The following DOCK8 variants were observed in gnomAD, a reference collection of about 807,000 sequenced individuals.
DOCK8 encodes the protein dedicator of cytokinesis protein 8.
Under a neutral mutation model 245.6 loss-of-function variants are expected in DOCK8, and 141 were observed. The observed-to-expected ratio is 0.57, with a 90% CI of 0.50 to 0.66. DOCK8 has a LOEUF of 0.66. Ranked by LOEUF, DOCK8 falls within the 30% of genes least tolerant of loss-of-function variation. The pLI is 0.00. For synonymous variants in DOCK8, 1,168 were observed against 970.2 expected, an observed-to-expected ratio of 1.20 and a Z score of -3.79; for missense variants, 2,965 against 2,603.4, an observed-to-expected ratio of 1.14 and a Z score of -3.02.
intron 1 of DOCK8, among the ~76,000 whole-genome samples, chr9:238,262 G>A (rs928198487): frequency 2.6e-5 from 4 of 152,164 alleles, no homozygotes; most frequent in African/African-American, 9.7e-5. Context: ...TTCCCAGCGA[G>A]ATGTGGTTCA....
intron 2 of DOCK8, among the ~76,000 whole-genome samples, chr9:272,541 A>G (rs1405070750): frequency 1.3e-5 from 2 of 152,000 alleles, no homozygotes; most frequent in African/African-American, 4.8e-5. Context: ...GCATGCCACC[A>G]CACCTGGCTA....
intron 1 of DOCK8, among the ~76,000 whole-genome samples, chr9:221,599 G>A (rs1485766219): frequency 6.6e-6 from 1 of 151,556 alleles, no homozygotes; most frequent in African/African-American, 2.4e-5. Context: ...ATCACTTGAA[G>A]TCAGAAGTTT....
At chr9:399,602 C>G (rs926680381) in intron 26 of DOCK8, among the ~76,000 whole-genome samples, 6 of 152,002 alleles carry the variant, frequency 3.9e-5, no homozygotes, top group African/African-American at 1.5e-4. Flanking sequence ...CCTTGCGCTC[C>G]CAGTCTGAGG....
At position 258,198 on chromosome 9, in the gene DOCK8, G is replaced by C. The variant is rs569953129; in HGVS notation, c.54-13429G>C. On this transcript the variant is annotated intron_variant, in intron 1 of 47. Coordinates refer to ENST00000432829, the MANE Select transcript of DOCK8 (RefSeq NM_203447.4). The stretch of plus-strand genomic sequence containing the variant: ...CATGTGTATTTCACAACTGCAATCA[G>C]CTTGAATAGCAGAGGCTGGAAGGCT... Among the ~76,000 whole-genome samples the C allele has an allele frequency of 2.6e-5, 4 of 152,318 alleles. No homozygotes were observed. The South Asian group carries it at 6.2e-4, about 24-fold the overall frequency.
At chr9:456,510 A>G (rs1052381812) in intron 46 of DOCK8, 1 of 152,204 alleles carries the variant, frequency 6.6e-6, no homozygotes, top group African/African-American at 2.4e-5. Context: ...AATAGCGGAA[A>G]CATTTGCTTG....
chr9:455,898 T>C (rs753816053), intron 46 of DOCK8, among the ~76,000 whole-genome samples: 6 of 152,050 alleles, frequency 3.9e-5, no homozygotes, highest in Non-Finnish European at 8.8e-5. Flanking sequence ...GAACCAACTA[T>C]AGACGTCAGT....
rs565352669 is a variant in DOCK8, at chr9:258,721, C to T, written c.54-12906C>T. 2.6e-5 allele frequency among the ~76,000 whole-genome samples: 4 copies of T among 151,320 alleles called. No individual in the cohort carries two copies. The East Asian group carries it at 5.9e-4, about 22-fold the overall frequency. The stretch of plus-strand genomic sequence containing the variant: ...CAAGCAATTCTCCTGCCTCAGCCTC[C>T]CGAGTATCTGGGATTACAGACATGT... On this transcript the variant is annotated intron_variant, in intron 1 of 47. Coordinates refer to ENST00000432829, the MANE Select transcript of DOCK8 (RefSeq NM_203447.4).
chr9:269,552 CTTTTTTT>C (rs57326015), intron 1 of DOCK8, among the ~76,000 whole-genome samples: 10 of 105,000 alleles, frequency 9.5e-5, no homozygotes, highest in Admixed American at 2.9e-4. Flanking sequence ...GTGTGGTTGT[CTTTTTTT>C]TTTTTTTTTT....
At chr9:238,793 T>C (rs932468966) in intron 1 of DOCK8, among the ~76,000 whole-genome samples, 1 of 152,212 alleles carries the variant, frequency 6.6e-6, no homozygotes, top group African/African-American at 2.4e-5. Context: ...AGCTATACTT[T>C]CATATAAGAA....
intron 4 of DOCK8, among the ~76,000 whole-genome samples, chr9:303,830 G>A (rs1217554468): frequency 6.6e-6 from 1 of 152,130 alleles, no homozygotes; most frequent in Non-Finnish European, 1.5e-5. Flanking sequence ...AAGATATCCC[G>A]TATCCTCAAT....
chr9:307,626 G>A (rs949259960), intron 5 of DOCK8, among the ~76,000 whole-genome samples: 1 of 151,950 alleles, frequency 6.6e-6, no homozygotes, highest in African/African-American at 2.4e-5. Context: ...CCAAAGTGCT[G>A]GGATTACAGG....
At chr9:229,813 G>A (rs1361030196) in intron 1 of DOCK8, among the ~76,000 whole-genome samples, 1 of 152,052 alleles carries the variant, frequency 6.6e-6, no homozygotes, top group African/African-American at 2.4e-5. Flanking sequence ...TTTAGCTGCT[G>A]CAAGTAACAG....
chr9:404,964 T>C lies in DOCK8; in HGVS notation c.3281T>C (p.Leu1094Pro). The C allele has an allele frequency of 1.2e-6, 2 of 1,614,158 alleles. No homozygotes were observed. Among genetic ancestry groups the C allele is most frequent in the Non-Finnish European group, 1.7e-6 (2 of 1,180,026 alleles). ...SNLPTLISMR[L>P]EFLRILCSHE... ...CTTCCAACGCTCATTTCCATGAGGC[T>C]AGAGTTCCTGAGAATCCTCTGTAGC... The change falls in exon 27 of 48, where the codon CTA (leucine) becomes CCA (proline). Residue 1094 changes from leucine to proline, a missense_variant. Physicochemically the swap from Leu to Pro is moderately conservative, Grantham distance 98. Transcript: ENST00000432829.
At position 303,675 on chromosome 9, in the gene DOCK8, C is replaced by T. The variant is rs530722992; in HGVS notation, c.405-906C>T. On this transcript the variant is annotated intron_variant, in intron 4 of 47. Transcript: ENST00000432829. ...ATGGAAGCAGGTGTGGGTTGAAAAACTGCCTATTGAGTACCATGGTCACTA... is the reference window on the plus strand; with the variant it reads ...ATGGAAGCAGGTGTGGGTTGAAAAATTGCCTATTGAGTACCATGGTCACTA... Among the ~76,000 whole-genome samples, 6 of 152,304 alleles carry T rather than the reference C, an allele frequency of 3.9e-5. No homozygotes were observed. In the East Asian group the frequency reaches 1.2e-3, roughly 29 times the overall value.
rs555403923 is a variant in DOCK8 at position 422,034 on chromosome 9, T to A, written c.4154-14T>A. 2.5e-6 allele frequency: 4 copies of A among 1,610,666 alleles called. No homozygotes were observed. In the South Asian group the frequency reaches 4.4e-5, roughly 18 times the overall value. On this transcript the variant is annotated splice_polypyrimidine_tract_variant and intron_variant, in intron 32 of 47. Transcript: ENST00000432829. ...TGCTAATCAAATTCCTATCATGCAT[T>A]TCTTAACTCCTAGGGAACGACCGAT...
intron 4 of DOCK8, among the ~76,000 whole-genome samples, chr9:296,710 C>G (rs1270313902): frequency 6.6e-6 from 1 of 152,226 alleles, no homozygotes; most frequent in Non-Finnish European, 1.5e-5. Context: ...GTTGTGCTAG[C>G]TGTCAAGGTG....
chr9:323,371 T>C (rs1027814134), intron 7 of DOCK8, among the ~76,000 whole-genome samples: 20 of 151,622 alleles, frequency 1.3e-4, no homozygotes, highest in African/African-American at 4.1e-4. Context: ...TTACAGGCAC[T>C]TGCCACCACG....
intron 14 of DOCK8, among the ~76,000 whole-genome samples, chr9:357,511 A>AT (rs2052501139): frequency 1.3e-5 from 2 of 151,506 alleles, no homozygotes; most frequent in African/African-American, 4.9e-5. Flanking sequence ...CTTTCAGTGG[A>AT]TTTTTTTAAC....
Position 261,080 on chromosome 9 carries a change from C to T in DOCK8, c.54-10547C>T, listed in dbSNP as rs149672252. Reference sequence around the variant, plus strand: ...CAGCCTGGGCGACAGAGCAAGACTCCGTCTCAAAAAAAAAAAAAAAAAGAA... The same window carrying T: ...CAGCCTGGGCGACAGAGCAAGACTCTGTCTCAAAAAAAAAAAAAAAAAGAA... On this transcript the variant is annotated intron_variant, in intron 1 of 47. Coordinates refer to ENST00000432829, the MANE Select transcript of DOCK8 (RefSeq NM_203447.4). Among the ~76,000 whole-genome samples the T allele has an allele frequency of 4.1e-5, 6 of 146,116 alleles. No homozygotes were observed. In the South Asian group the frequency reaches 8.6e-4, roughly 21 times the overall value.
Sources: gnomAD v4.1 joint callset for allele counts (sites outside exome capture counted in the v4.1 genomes callset) on GRCh38, gnomAD v4.1.1 for gene constraint, MANE v1.5 for transcripts, NCBI Gene and HGNC (gene_info 2026-07-23, HGNC 2026-07-21) for gene names.